Variants in SEMA6D observed in about 807,000 individuals in gnomAD.
The protein encoded by SEMA6D is semaphorin 6D, also known as semaphorin-6D.
Under a neutral mutation model 106.6 loss-of-function variants are expected in SEMA6D, and 35 were observed. The ratio of observed to expected loss-of-function variants is 0.33; its 90% CI spans 0.25 to 0.44. The LOEUF is 0.44. SEMA6D is among the 20% of genes least tolerant of loss of function. The pLI, the probability that SEMA6D is intolerant of heterozygous loss-of-function variation, is 1.00. For missense variants in SEMA6D, 1,185 were observed against 1,345.9 expected (o/e 0.88, Z 1.87); for synonymous variants, 499 against 487.7 (o/e 1.02, Z -0.31).
At chr15:47,342,713 A>G (rs1378283499) in intron 1 of SEMA6D, among the ~76,000 whole-genome samples, 1 of 151,742 alleles carries the variant, frequency 6.6e-6, no homozygotes, top group Non-Finnish European at 1.5e-5. Flanking sequence ...TCAAATTACT[A>G]TTTTTTTATT....
intron 1 of SEMA6D, among the ~76,000 whole-genome samples, chr15:47,751,220 G>A (rs770712816): frequency 2.6e-5 from 4 of 152,120 alleles, no homozygotes; most frequent in Non-Finnish European, 4.4e-5. Context: ...CTAAAGCCCT[G>A]CCCAGAACAC....
In SEMA6D at chr15:47,759,666, T is replaced by C. The variant is rs1156918819; in HGVS notation, c.-54-79T>C. On this transcript the variant is annotated intron_variant, in intron 1 of 18. Coordinates refer to ENST00000536845, the MANE Select transcript of SEMA6D (RefSeq NM_001358351.3). Reference sequence around the variant, plus strand: ...GAGGGGCTTTGGAGGGAGCTGATGGTGAAAACTGAGCTGATTACAAACAAG... The same window carrying C: ...GAGGGGCTTTGGAGGGAGCTGATGGCGAAAACTGAGCTGATTACAAACAAG... 4 of 671,844 alleles carry C rather than the reference T, an allele frequency of 6.0e-6. No homozygotes were observed. In the African/African-American group the frequency reaches 7.1e-5, roughly 12 times the overall value. The allele number at this position is 671,844 out of a possible 1,614,324, so 41.6% of individuals were successfully genotyped here.
chr15:47,442,484 G>C (rs192792743), intron 2 of SEMA6D, among the ~76,000 whole-genome samples: 9 of 152,198 alleles, frequency 5.9e-5, no homozygotes, highest in Admixed American at 2.6e-4. Flanking sequence ...ACTGCCACCA[G>C]CTAGTCATAT....
intron 1 of SEMA6D, among the ~76,000 whole-genome samples, chr15:47,316,174 C>A (rs1442996139): frequency 2.2e-5 from 3 of 135,276 alleles, no homozygotes; most frequent in Non-Finnish European, 3.0e-5. Context: ...CTCACTGCAA[C>A]CTCCACCTCC....
intron 3 of SEMA6D, among the ~76,000 whole-genome samples, chr15:47,481,045 G>C (rs577158631): frequency 6.6e-6 from 1 of 152,206 alleles, no homozygotes; most frequent in South Asian, 2.1e-4. Flanking sequence ...TAGATTAAAA[G>C]CATCCCCCAA....
chr15:47,347,971 C>T (rs148043932), intron 1 of SEMA6D, among the ~76,000 whole-genome samples: 1,671 of 152,200 alleles, frequency 0.011, 13 homozygotes, highest in Non-Finnish European at 0.014. Flanking sequence ...TAAATGCTTC[C>T]ATACTGTTTC....
In SEMA6D at chr15:47,771,825, G is replaced by A. The variant is rs138221830; in HGVS notation, c.*40G>A. 4.4e-5 allele frequency: 69 copies of A among 1,553,082 alleles called. No homozygotes were observed. In the African/African-American group the frequency reaches 7.6e-4, roughly 17 times the overall value. ...ATTCCCATGTGGCTTTATCCTGTCC[G>A]TGTTGTTGAGAGGATGATGTTGTAA... is the stretch of plus-strand genomic sequence containing the variant. On this transcript the variant is annotated 3_prime_UTR_variant, in exon 19 of 19. Transcript: ENST00000536845.
At chr15:47,624,934 T>C (rs2077174521) in intron 4 of SEMA6D, among the ~76,000 whole-genome samples, 1 of 152,190 alleles carries the variant, frequency 6.6e-6, no homozygotes, top group South Asian at 2.1e-4. Flanking sequence ...GGAATTATTG[T>C]TTCTGAGACT....
intron 1 of SEMA6D, among the ~76,000 whole-genome samples, chr15:47,401,201 G>A (rs2040385909): frequency 1.3e-5 from 2 of 151,982 alleles, no homozygotes; most frequent in Admixed American, 6.6e-5. Context: ...TAATTCCTTT[G>A]CGTCTTACTT....
intron 1 of SEMA6D, among the ~76,000 whole-genome samples, chr15:47,354,210 TATATATATATATAC>T (rs2038460074): frequency 2.1e-5 from 1 of 47,822 alleles, no homozygotes; most frequent in South Asian, 1.4e-3. Context: ...TATATATATA[TATATATATATATAC>T]ACACATACAT....
intron 1 of SEMA6D, among the ~76,000 whole-genome samples, chr15:47,204,442 T>C (rs1252278842): frequency 1.3e-5 from 2 of 152,160 alleles, no homozygotes; most frequent in Non-Finnish European, 2.9e-5. Context: ...TATATCTTCA[T>C]AATATTTCAT....
chr15:47,686,015 A>T (rs117048219), intron 4 of SEMA6D, among the ~76,000 whole-genome samples: 1,682 of 152,352 alleles, frequency 0.011, 17 homozygotes, highest in Non-Finnish European at 0.013. Context: ...AGGAATAGAA[A>T]TTAAAACATT....
intron 4 of SEMA6D, among the ~76,000 whole-genome samples, chr15:47,673,238 TA>T (rs2078172649): frequency 6.6e-6 from 1 of 152,220 alleles, no homozygotes; most frequent in East Asian, 1.9e-4. Context: ...AGCCTGAGGC[TA>T]AAAATCTGTT....
intron 1 of SEMA6D, among the ~76,000 whole-genome samples, chr15:47,333,949 C>T (rs2037448206): frequency 6.6e-6 from 1 of 152,166 alleles, no homozygotes; most frequent in African/African-American, 2.4e-5. Flanking sequence ...TCAAAAAACC[C>T]TCATTCCAGA....
At chr15:47,624,584 C>T (rs1266502678) in intron 4 of SEMA6D, among the ~76,000 whole-genome samples, 2 of 152,164 alleles carry the variant, frequency 1.3e-5, no homozygotes, top group East Asian at 3.9e-4. Context: ...TGTAATATGG[C>T]AAATGCCAGG....
chr15:47,649,117 T>C (rs2077635674), intron 4 of SEMA6D, among the ~76,000 whole-genome samples: 1 of 152,176 alleles, frequency 6.6e-6, no homozygotes, highest in African/African-American at 2.4e-5. Context: ...TTTAAGGTCC[T>C]TCCTGCAGCT....
chr15:47,283,274 G>C (rs1203555702), intron 1 of SEMA6D, among the ~76,000 whole-genome samples: 1 of 152,050 alleles, frequency 6.6e-6, no homozygotes, highest in Non-Finnish European at 1.5e-5. Context: ...AAGTATATGC[G>C]TACATGTGTG....
intron 3 of SEMA6D, among the ~76,000 whole-genome samples, chr15:47,545,007 A>C (rs1294569466): frequency 6.6e-6 from 1 of 152,090 alleles, no homozygotes; most frequent in African/African-American, 2.4e-5. Flanking sequence ...GACTTATCTA[A>C]AACTACTATA....
In SEMA6D at chr15:47,186,221, G is replaced by GA. The variant is rs1258177152; in HGVS notation, c.-239+1805dup. On this transcript the variant is annotated intron_variant, in intron 1 of 19. Transcript: ENST00000558014. ...GACCTGCTAAGTGTATCAATCTGAT[G>GA]AAGCCTGGAGTTCCAGCCCTCAGGA... Among the ~76,000 whole-genome samples, 6 of 152,254 alleles carry GA rather than the reference G, an allele frequency of 3.9e-5. No individual in the cohort carries two copies. In the East Asian group the frequency reaches 9.7e-4, roughly 25 times the overall value.
Sources: gnomAD v4.1 joint callset for allele counts (sites outside exome capture counted in the v4.1 genomes callset) on GRCh38, gnomAD v4.1.1 for gene constraint, MANE v1.5 for transcripts, NCBI Gene and HGNC (gene_info 2026-07-23, HGNC 2026-07-21) for gene names.